RREB1: variants seen among roughly 807,000 people sequenced by gnomAD.
The protein encoded by RREB1 is ras responsive element binding protein 1.
In RREB1, 27 loss-of-function variants were observed where a neutral mutation model predicts 117.8. The ratio of observed to expected loss-of-function variants is 0.23; its 90% CI spans 0.17 to 0.32. The LOEUF is 0.32. Among genes scored for constraint, RREB1 ranks in the 10% least tolerant of loss-of-function variants. RREB1 has a pLI of 1.00. For missense variants in RREB1, 2,577 were observed against 2,378.2 expected (o/e 1.08, Z -1.74); for synonymous variants, 1,298 against 1,026.7 (o/e 1.26, Z -5.05).
chr6:7,142,415 C>T (rs993127659), intron 1 of RREB1, among the ~76,000 whole-genome samples: 4 of 152,178 alleles, frequency 2.6e-5, no homozygotes, highest in Non-Finnish European at 5.9e-5. Flanking sequence ...CGCCTGCCCT[C>T]GGTGTCAAGT....
At chr6:7,155,169 C>A (rs950446024) in intron 1 of RREB1, among the ~76,000 whole-genome samples, 1 of 152,184 alleles carries the variant, frequency 6.6e-6, no homozygotes, top group Non-Finnish European at 1.5e-5. Context: ...GTTCTCATCA[C>A]CCTCCCTTTT....
At chr6:7,163,935 A>T (rs1378984037) in intron 1 of RREB1, among the ~76,000 whole-genome samples, 2 of 152,156 alleles carry the variant, frequency 1.3e-5, no homozygotes, top group East Asian at 3.9e-4. Context: ...GAAATTGAGG[A>T]TGCTGAAGAG....
intron 1 of RREB1, among the ~76,000 whole-genome samples, chr6:7,109,301 G>GC (rs1215105892): frequency 6.6e-6 from 1 of 151,386 alleles, no homozygotes; most frequent in East Asian, 2.0e-4. Flanking sequence ...GGCCCCCCGC[G>GC]CCCCCTCCCC....
intron 1 of RREB1, chr6:7,108,551 T>G (rs934139249): frequency 6.6e-5 from 10 of 152,044 alleles, no homozygotes; most frequent in Admixed American, 5.9e-4. Context: ...CAGAAACATC[T>G]TCCCAGCGCT....
chr6:7,201,523 C>G (rs529722119), intron 6 of RREB1, among the ~76,000 whole-genome samples: 2 of 148,642 alleles, frequency 1.3e-5, no homozygotes, highest in African/African-American at 2.5e-5. Context: ...ATCCCACCCT[C>G]CCCACTGAAA....
chr6:7,187,913 T>G (rs984366207), intron 5 of RREB1, among the ~76,000 whole-genome samples: 10 of 152,188 alleles, frequency 6.6e-5, no homozygotes, highest in African/African-American at 1.9e-4. Flanking sequence ...CACAACACTT[T>G]GGGAGGCCAA....
intron 10 of RREB1, among the ~76,000 whole-genome samples, chr6:7,234,690 A>G (rs1298635739): frequency 6.6e-6 from 1 of 152,226 alleles, no homozygotes; most frequent in Non-Finnish European, 1.5e-5. Context: ...TCCTACCATA[A>G]TATGTTCTTG....
chr6:7,134,720 A>G (rs1314701860), intron 1 of RREB1, among the ~76,000 whole-genome samples: 1 of 152,224 alleles, frequency 6.6e-6, no homozygotes, highest in Non-Finnish European at 1.5e-5. Context: ...GAGCAAATGA[A>G]TAAGTGGATC....
intron 6 of RREB1, among the ~76,000 whole-genome samples, chr6:7,202,111 C>T (rs1446509503): frequency 1.3e-5 from 2 of 152,082 alleles, no homozygotes; most frequent in African/African-American, 4.8e-5. Flanking sequence ...CTCAGTGGCC[C>T]GTAAGTAATA....
At chr6:7,222,651 A>C (rs1333418220) in intron 8 of RREB1, among the ~76,000 whole-genome samples, 1 of 152,154 alleles carries the variant, frequency 6.6e-6, no homozygotes, top group African/African-American at 2.4e-5. Flanking sequence ...TAAGAGACAA[A>C]AAGAAACCTC....
chr6:7,217,124 G>A (rs1359010545), intron 8 of RREB1: 1 of 152,396 alleles, frequency 6.6e-6, no homozygotes, highest in Non-Finnish European at 1.5e-5. Context: ...GGAGAGATTA[G>A]TGCAGCTGTC....
chr6:7,231,450 C>T lies in RREB1; in HGVS notation c.3351C>T (p.Pro1117=), dbSNP rs376789020. The stretch of plus-strand genomic sequence containing the variant: ...CCAAAGCCGCCACCACCGCCACCCC[C>T]GCTGCCACCACCAGCCCAAAAGAGT... The part of the protein sequence containing the change: ...SVPKAATTAT[P]AATTSPKESS... The change falls in exon 10 of 13, where the codon CCC becomes CCT. Residue 1117 remains proline, a synonymous_variant. Coordinates refer to ENST00000379938, the MANE Select transcript of RREB1 (RefSeq NM_001003699.4). 1.3e-5 allele frequency: 21 copies of T among 1,612,844 alleles called. No homozygotes were observed. Among genetic ancestry groups the T allele is most frequent in the African/African-American group, 8.0e-5 (6 of 74,658 alleles).
rs956628078 is a variant in RREB1 at position 7,250,794 on chromosome 6, T to C, written c.*1826T>C. 24 of 152,122 alleles carry C rather than the reference T, an allele frequency of 1.6e-4. No individual in the cohort carries two copies. Among genetic ancestry groups the C allele is most frequent in the African/African-American group, 4.8e-4 (20 of 41,428 alleles). 9.4% of individuals were successfully genotyped at this position (152,122 alleles called of 1,614,324 possible). On this transcript the variant is annotated 3_prime_UTR_variant, in exon 13 of 13. Coordinates refer to ENST00000379938, the MANE Select transcript of RREB1 (RefSeq NM_001003699.4). ...ATTCTTGAGATAATGAAAAGTGATATCTTCGCATACGAAAGGAAAAAAGGT... is the reference window on the plus strand; with the variant it reads ...ATTCTTGAGATAATGAAAAGTGATACCTTCGCATACGAAAGGAAAAAAGGT...
At chr6:7,165,125 G>A (rs1320727307) in intron 1 of RREB1, among the ~76,000 whole-genome samples, 2 of 152,234 alleles carry the variant, frequency 1.3e-5, no homozygotes, top group African/African-American at 4.8e-5. Context: ...CTTGAAGGCT[G>A]TTAGAGTTGG....
chr6:7,247,223 T>A lies in RREB1; in HGVS notation c.4771+2T>A. 1 of 1,610,610 alleles carries A rather than the reference T, an allele frequency of 6.2e-7. No homozygotes were observed. On this transcript the variant is annotated splice_donor_variant, in intron 12 of 12. Transcript: ENST00000379938. LOFTEE classifies it high-confidence loss of function. Reference sequence around the variant, plus strand: ...CCCGGCACATGCGCTCCCACACAGGTAACCAGGGCAGGCCAGGTCCCCGGC... The same window carrying A: ...CCCGGCACATGCGCTCCCACACAGGAAACCAGGGCAGGCCAGGTCCCCGGC...
intron 8 of RREB1, among the ~76,000 whole-genome samples, chr6:7,221,616 G>A (rs1767264310): frequency 6.6e-6 from 1 of 152,230 alleles, no homozygotes; most frequent in Admixed American, 6.5e-5. Flanking sequence ...TCCATGAAAA[G>A]GGTGTGAAGT....
chr6:7,221,238 G>T (rs561493669), intron 8 of RREB1, among the ~76,000 whole-genome samples: 62 of 151,550 alleles, frequency 4.1e-4, no homozygotes, highest in Non-Finnish European at 7.5e-4. Context: ...GCGCAATCTC[G>T]GCTCACTGCA....
chr6:7,118,850 T>C, intron 1 of RREB1, among the ~76,000 whole-genome samples: 1 of 145,496 alleles, frequency 6.9e-6, no homozygotes, highest in Admixed American at 6.9e-5. Context: ...GGTTTCACCA[T>C]GTTAGCCAGG....
chr6:7,158,665 A>G (rs1477335815), intron 1 of RREB1, among the ~76,000 whole-genome samples: 1 of 152,158 alleles, frequency 6.6e-6, no homozygotes, highest in East Asian at 1.9e-4. Flanking sequence ...TACCTTCCCA[A>G]GCTTTCTTTT....
Sources: allele counts gnomAD v4.1 joint callset (sites outside exome capture counted in the v4.1 genomes callset), GRCh38; gene constraint gnomAD v4.1.1; transcripts MANE v1.5; gene names NCBI Gene and HGNC (gene_info 2026-07-23, HGNC 2026-07-21).